Variants in TMC5 observed in about 807,000 individuals in gnomAD.
The protein encoded by TMC5 is transmembrane channel like 5.
TMC5 carries 86 observed loss-of-function variants against 110.5 expected under a neutral mutation model. The ratio of observed to expected loss-of-function variants is 0.78; its 90% CI spans 0.65 to 0.93. The LOEUF (loss-of-function observed/expected upper bound fraction) is 0.93, where lower values mean the gene tolerates loss of function less well. Ranked by LOEUF, TMC5 falls within the 40% of genes least tolerant of loss-of-function variation. The probability of loss-of-function intolerance (pLI) is 0.00; values close to 1 mark genes in which losing one functional copy is unlikely to be tolerated. For missense variants in TMC5, 1,144 were observed against 1,222.8 expected (o/e 0.94, Z 0.96); for synonymous variants, 455 against 439.5 (o/e 1.04, Z -0.44).
intron 1 of TMC5, among the ~76,000 whole-genome samples, chr16:19,424,422 G>A (rs974329414): frequency 3.3e-5 from 5 of 152,284 alleles, no homozygotes; most frequent in South Asian, 2.1e-4. Context: ...AGGCCAAGGC[G>A]GGTGGATCAC....
chr16:19,426,895 T>C (rs1444709538), intron 1 of TMC5, among the ~76,000 whole-genome samples: 1 of 152,160 alleles, frequency 6.6e-6, no homozygotes, highest in Non-Finnish European at 1.5e-5. Context: ...GGAAACCCGA[T>C]AAAAAGCTAA....
rs1967073531 is a variant in TMC5, at chr16:19,425,580, T to C, written c.-307-4833T>C. 2.6e-5 allele frequency among the ~76,000 whole-genome samples: 4 copies of C among 152,354 alleles called. No homozygotes were observed. The South Asian group carries it at 8.3e-4, about 32-fold the overall frequency. On this transcript the variant is annotated intron_variant, in intron 1 of 21. Coordinates refer to ENST00000542583, the MANE Select transcript of TMC5 (RefSeq NM_001261841.2). ...ATTTGGACCGACTGCTTTCTAGAGC[T>C]GGCGCACAGCTGTTATCCTGGGATT...
At chr16:19,476,097 TA>T (rs766528591) in intron 12 of TMC5, among the ~76,000 whole-genome samples, 2 of 152,100 alleles carry the variant, frequency 1.3e-5, no homozygotes, top group Non-Finnish European at 2.9e-5. Context: ...CCTGTAATCC[TA>T]GCACTTTGGG....
intron 4 of TMC5, among the ~76,000 whole-genome samples, chr16:19,446,815 A>G (rs1415242591): frequency 1.3e-5 from 2 of 152,224 alleles, no homozygotes; most frequent in Non-Finnish European, 2.9e-5. Flanking sequence ...GCAGGTCAGT[A>G]TAGCTCACTT....
At chr16:19,438,314 T>A (rs1467852420) in intron 2 of TMC5, among the ~76,000 whole-genome samples, 1 of 130,050 alleles carries the variant, frequency 7.7e-6, no homozygotes, top group Non-Finnish European at 1.6e-5. Context: ...ATCGCTTGAG[T>A]CCCAAGAGAT....
chr16:19,449,073 G>A (rs945944467), intron 4 of TMC5, among the ~76,000 whole-genome samples: 3 of 151,684 alleles, frequency 2.0e-5, no homozygotes, highest in Non-Finnish European at 4.4e-5. Flanking sequence ...GGATGGTCTC[G>A]ATCTCCTGAC....
chr16:19,436,281 A>AAAAAAAAAAAG (rs1438008488), intron 2 of TMC5, among the ~76,000 whole-genome samples: 3 of 151,052 alleles, frequency 2.0e-5, no homozygotes, highest in Non-Finnish European at 4.4e-5. Context: ...AAGAAAAAAA[A>AAAAAAAAAAAG]AAAGAAAGGA....
At chr16:19,484,448 A>G (rs1046344160) in intron 15 of TMC5, among the ~76,000 whole-genome samples, 1 of 152,166 alleles carries the variant, frequency 6.6e-6, no homozygotes, top group Non-Finnish European at 1.5e-5. Flanking sequence ...TAAATGGTAC[A>G]GATACCTACT....
At chr16:19,457,709 C>CATTTTTTTTT (rs1967916001) in intron 5 of TMC5, among the ~76,000 whole-genome samples, 1 of 43,906 alleles carries the variant, frequency 2.3e-5, no homozygotes, top group Non-Finnish European at 5.3e-5. Flanking sequence ...AGACTACATT[C>CATTTTTTTTT]TTTTTTTTTT....
intron 1 of TMC5, among the ~76,000 whole-genome samples, chr16:19,412,284 C>G (rs1339745396): frequency 6.6e-6 from 1 of 151,298 alleles, no homozygotes; most frequent in Non-Finnish European, 1.5e-5. Flanking sequence ...GTTGCCCAGT[C>G]CAGCCTTGAA....
At chr16:19,480,668 G>A (rs1968595368) in intron 14 of TMC5, among the ~76,000 whole-genome samples, 1 of 152,050 alleles carries the variant, frequency 6.6e-6, no homozygotes, top group Non-Finnish European at 1.5e-5. Context: ...AGCCGAGCAT[G>A]GTGGTGTGTG....
intron 7 of TMC5, 139 bp from the exon 8 acceptor site, chr16:19,463,637 A>T (rs889576293): frequency 7.8e-6 from 9 of 1,154,242 alleles, no homozygotes; most frequent in Non-Finnish European, 1.1e-5. Flanking sequence ...TTGACATAAC[A>T]TTTGTAAACA....
chr16:19,462,067 G>A (rs983898609), intron 6 of TMC5, among the ~76,000 whole-genome samples: 6 of 152,310 alleles, frequency 3.9e-5, no homozygotes, highest in Non-Finnish European at 4.4e-5. Context: ...CCAGAACAAA[G>A]CAGATGTGGT....
upstream of TMC5, among the ~76,000 whole-genome samples, chr16:19,414,079 T>A (rs889032993): frequency 2.0e-5 from 3 of 152,224 alleles, no homozygotes; most frequent in African/African-American, 7.2e-5. Flanking sequence ...ACCCATCCAA[T>A]GACATAGAAC....
intron 17 of TMC5, 38 bp from the exon 18 acceptor site, chr16:19,490,357 C>A: frequency 6.2e-7 from 1 of 1,607,332 alleles, no homozygotes; most frequent in South Asian, 1.1e-5. Context: ...ATCCCTGAGT[C>A]TTGTGCTAGA....
At chr16:19,460,137 C>A (rs1275170571) in intron 5 of TMC5, 98 bp from the exon 6 acceptor site, 2 of 799,670 alleles carry the variant, frequency 2.5e-6, no homozygotes, top group Admixed American at 2.9e-5. Flanking sequence ...CCATAAACTT[C>A]TTCCCTTGTG....
chr16:19,486,456 A>T (rs748905103), intron 15 of TMC5, among the ~76,000 whole-genome samples: 1 of 152,130 alleles, frequency 6.6e-6, no homozygotes, highest in Non-Finnish European at 1.5e-5. Flanking sequence ...GGCTCACTGC[A>T]ACCTCCGCCT....
At chr16:19,473,374 A>C (rs1351421879) in intron 11 of TMC5, among the ~76,000 whole-genome samples, 1 of 145,656 alleles carries the variant, frequency 6.9e-6, no homozygotes, top group East Asian at 2.0e-4. Context: ...AAAAAAAAAA[A>C]AAAAAAACCA....
At chr16:19,466,508 C>T (rs1019032234) in intron 9 of TMC5, among the ~76,000 whole-genome samples, 7 of 152,128 alleles carry the variant, frequency 4.6e-5, no homozygotes, top group African/African-American at 1.4e-4. Flanking sequence ...CCTGCCACCA[C>T]GCCCCGCTAA....
Sources: gnomAD v4.1 joint callset for allele counts (sites outside exome capture counted in the v4.1 genomes callset) on GRCh38, gnomAD v4.1.1 for gene constraint, MANE v1.5 for transcripts, NCBI Gene and HGNC (gene_info 2026-07-23, HGNC 2026-07-21) for gene names.